KDM7A: variants seen among roughly 807,000 people sequenced by gnomAD.
KDM7A encodes the protein lysine-specific demethylase 7A.
A neutral mutation model predicts 114.8 loss-of-function variants in KDM7A; 28 were observed. The ratio of observed to expected loss-of-function variants is 0.24; its 90% confidence interval spans 0.18 to 0.33. The LOEUF is 0.33. Ranked by LOEUF, KDM7A falls within the 10% of genes least tolerant of loss-of-function variation. The pLI is 1.00. For missense variants in KDM7A, 942 were observed against 1,142.5 expected (o/e 0.82, Z 2.53); for synonymous variants, 423 against 397.8 (o/e 1.06, Z -0.75).
At position 140,126,758 on chromosome 7, in the gene KDM7A, G is replaced by A; in HGVS notation, c.767C>T (p.Pro256Leu). 1 of 1,613,850 alleles carries A rather than the reference G, an allele frequency of 6.2e-7. No individual in the cohort carries two copies. Among genetic ancestry groups the A allele is most frequent in the Non-Finnish European group, 8.5e-7 (1 of 1,179,826 alleles). The change falls in exon 6 of 20, where the codon CCA (proline) becomes CTA (leucine). Residue 256 changes from proline to leucine, a missense_variant. Physicochemically the swap from Pro to Leu is moderately conservative, Grantham distance 98. This residue lies in a region of KDM7A where 318 missense variants were observed against 453.1 expected (regional missense o/e 0.70). Transcript: ENST00000397560. ...KKLSWVENYW[P>L]DDSVFPKPFV... is the part of the protein sequence containing the mutation. ...TGGCTTGGGAAAGACTGAATCATCT[G>A]GCCAATAATTTTCCACCCAGGAAAG...
At chr7:140,097,514 T>C (rs762433176) in intron 15 of KDM7A, 31 bp downstream of exon 15, 5 of 1,167,488 alleles carry the variant, frequency 4.3e-6, no homozygotes, top group Non-Finnish European at 6.3e-6. Flanking sequence ...TTCCATCAAA[T>C]AACGTACAAG....
chr7:140,144,173 G>A (rs536142830), intron 1 of KDM7A, among the ~76,000 whole-genome samples: 3 of 152,304 alleles, frequency 2.0e-5, no homozygotes, highest in East Asian at 3.9e-4. Flanking sequence ...TAGACACACC[G>A]AATAGAACTG....
intron 6 of KDM7A, 121 bp downstream of exon 6, chr7:140,126,516 T>TAAA (rs11303092): frequency 5.8e-4 from 235 of 406,754 alleles, no homozygotes; most frequent in Non-Finnish European, 7.7e-4. Flanking sequence ...GGTTAAAAAG[T>TAAA]AAAAAAAAAA....
chr7:140,154,313 G>A (rs1794434014), intron 1 of KDM7A, among the ~76,000 whole-genome samples: 2 of 149,350 alleles, frequency 1.3e-5, no homozygotes, highest in Non-Finnish European at 1.5e-5. Context: ...TGAGACCCCC[G>A]TCACTACAAA....
intron 1 of KDM7A, among the ~76,000 whole-genome samples, chr7:140,141,098 A>T (rs1794266819): frequency 6.6e-6 from 1 of 152,230 alleles, no homozygotes; most frequent in African/African-American, 2.4e-5. Flanking sequence ...AACTATGCAA[A>T]GCTTCTTTAG....
intron 17 of KDM7A, among the ~76,000 whole-genome samples, chr7:140,095,903 A>T (rs966594346): frequency 1.1e-4 from 16 of 152,108 alleles, no homozygotes; most frequent in African/African-American, 2.4e-4. Context: ...TAAATAATAA[A>T]AAAAATTATT....
At chr7:140,137,938 T>C (rs1228070971) in intron 2 of KDM7A, among the ~76,000 whole-genome samples, 1 of 150,328 alleles carries the variant, frequency 6.7e-6, no homozygotes, top group Non-Finnish European at 1.5e-5. Flanking sequence ...TCAAGGTACA[T>C]TCAGGCAAAG....
At chr7:140,135,447 C>T (rs2116815395) in intron 2 of KDM7A, among the ~76,000 whole-genome samples, 2 of 152,226 alleles carry the variant, frequency 1.3e-5, no homozygotes, top group East Asian at 3.9e-4. Flanking sequence ...GTGATCCGCC[C>T]ACCTTGGCCT....
chr7:140,176,749 G>A lies in KDM7A; in HGVS notation c.189C>T (p.His63=), dbSNP rs766395499. 3.7e-6 allele frequency: 5 copies of A among 1,359,314 alleles called. No homozygotes were observed. The highest frequency in any genetic ancestry group is 7.7e-5 in the East Asian group (2 of 26,004). 84.2% of individuals were successfully genotyped at this position (1,359,314 alleles called of 1,614,324 possible). A position where few individuals can be genotyped will look rare whatever the true frequency, so the allele number is the denominator to read the frequency against. ...IECDICKDWF[H]GSCVGVEEHH... ...GCTGGAGGGGGTTTATTTACCTGCC[G>A]TGGAACCAGTCCTTGCAGATATCGC... is the stretch of plus-strand genomic sequence containing the variant. Residue 63 remains histidine (H), a synonymous_variant, in exon 1 of 20, where the codon CAC becomes CAT. Coordinates refer to ENST00000397560, the MANE Select transcript of KDM7A (RefSeq NM_030647.2). This position sits in a 1 kb window ranked among gnomAD's most constrained non-coding sequence, Gnocchi z 4.4.
In KDM7A at chr7:140,126,798, C is replaced by T; in HGVS notation, c.727G>A (p.Asp243Asn). 1 of 1,613,700 alleles carries T rather than the reference C, an allele frequency of 6.2e-7. No individual in the cohort carries two copies. Among genetic ancestry groups the T allele is most frequent in the Non-Finnish European group, 8.5e-7 (1 of 1,179,724 alleles). The change falls in exon 6 of 20, where the codon GAT becomes AAT. Residue 243 changes from aspartate (D) to asparagine (N), a missense_variant. Around this residue, in one of 4 missense-constraint regions of KDM7A, gnomAD observed 318 missense variants for 453.1 expected, o/e 0.70. Transcript: ENST00000397560. The part of the protein sequence containing the change: ...TKMSELVEVP[D>N]IAKKLSWVEN... Reference sequence around the variant, plus strand: ...ACCCAGGAAAGTTTTTTGGCTATATCAGGGACCTCCACCAATTCAGACATC... The same window carrying T: ...ACCCAGGAAAGTTTTTTGGCTATATTAGGGACCTCCACCAATTCAGACATC...
intron 1 of KDM7A, among the ~76,000 whole-genome samples, chr7:140,164,416 C>T (rs189998857): frequency 3.9e-5 from 6 of 152,290 alleles, no homozygotes; most frequent in Middle Eastern, 3.4e-3. Flanking sequence ...TACCTACTAG[C>T]TGCTAGTAGC....
At chr7:140,100,165 C>A in intron 12 of KDM7A, 142 bp from the exon 13 acceptor site, 1 of 728,934 alleles carries the variant, frequency 1.4e-6, no homozygotes, top group Non-Finnish European at 2.3e-6. Context: ...GGATATGCAG[C>A]AGTATGGCAC....
intron 18 of KDM7A, among the ~76,000 whole-genome samples, chr7:140,092,937 C>A (rs184732976): frequency 2.0e-5 from 3 of 152,224 alleles, no homozygotes; most frequent in Admixed American, 1.3e-4. Flanking sequence ...TTTCTTATGA[C>A]CTTTGACTCT....
At position 140,098,964 on chromosome 7, in the gene KDM7A, T is replaced by C. The variant is rs1585138308; in HGVS notation, c.1833A>G (p.Arg611=). ...TADSENEEDK[R]RTKKAKMKIE... ...TCTTCATTTTTGCCTTTTTTGTCCT[T>C]CTTTTATCCTCTTCATTTTCACTAT... Residue 611 remains arginine (R), a synonymous_variant, in exon 14 of 20, where the codon AGA becomes AGG. Coordinates refer to ENST00000397560, the MANE Select transcript of KDM7A (RefSeq NM_030647.2). The C allele has an allele frequency of 1.2e-6, 2 of 1,613,472 alleles. No individual in the cohort carries two copies. The highest frequency in any genetic ancestry group is 1.7e-6 in the Non-Finnish European group (2 of 1,179,458).
chr7:140,167,163 T>G (rs1043039928), intron 1 of KDM7A, among the ~76,000 whole-genome samples: 1 of 152,194 alleles, frequency 6.6e-6, no homozygotes, highest in Non-Finnish European at 1.5e-5. Context: ...CTCAATATTA[T>G]TAACATATCA....
chr7:140,118,280 T>C (rs1001408555), intron 9 of KDM7A, among the ~76,000 whole-genome samples: 1 of 152,220 alleles, frequency 6.6e-6, no homozygotes, highest in Non-Finnish European at 1.5e-5. Flanking sequence ...GTCTCCAACT[T>C]GAGTGCTCAA....
At position 140,088,851 on chromosome 7, in the gene KDM7A, A is replaced by G. The variant is rs1298609894; in HGVS notation, c.*2243T>C. On this transcript the variant is annotated 3_prime_UTR_variant, in exon 20 of 20. Transcript: ENST00000397560. ...TACTGGCCACAATTTTAATTCATAA[A>G]AATAAATTAAATTTCATTTTAATTC... The G allele has an allele frequency of 9.2e-6, 2 of 218,102 alleles. No individual in the cohort carries two copies. The highest frequency in any genetic ancestry group is 1.8e-5 in the Non-Finnish European group (2 of 112,618). 13.5% of individuals were successfully genotyped at this position (218,102 alleles called of 1,614,324 possible).
At position 140,084,948 on chromosome 7, in the gene KDM7A, TC is replaced by T; in HGVS notation, c.*6145del. 1 of 152,298 alleles carries T rather than the reference TC, an allele frequency of 6.6e-6. No individual in the cohort carries two copies. Among genetic ancestry groups the T allele is most frequent in the East Asian group, 1.9e-4 (1 of 5,190 alleles). The allele number at this position is 152,298 out of a possible 1,614,324, so 9.4% of individuals were successfully genotyped here. A position where few individuals can be genotyped will look rare whatever the true frequency, so the allele number is the denominator to read the frequency against. On this transcript the variant is annotated 3_prime_UTR_variant, in exon 20 of 20. Transcript: ENST00000397560. ...ACAACTTTAAACAAGTCACTTGTCC[TC>T]CCCTATAATAATCAATGTAAGCTAC... is the stretch of plus-strand genomic sequence containing the variant.
chr7:140,123,834 T>C (rs1430302067), intron 7 of KDM7A, among the ~76,000 whole-genome samples: 1 of 151,980 alleles, frequency 6.6e-6, no homozygotes, highest in African/African-American at 2.4e-5. Flanking sequence ...GTAATCCCAG[T>C]ACTTTGGTGG....
Sources: gnomAD v4.1 joint callset for allele counts (sites outside exome capture counted in the v4.1 genomes callset) on GRCh38, gnomAD v4.1.1 for gene constraint, gnomAD v4.1.1 regional missense constraint, Gnocchi (gnomAD v3.1) non-coding constraint, MANE v1.5 for transcripts, NCBI Gene and HGNC (gene_info 2026-07-23, HGNC 2026-07-21) for gene names.